The following SMARCC1 variants were observed in gnomAD, a reference collection of about 807,000 sequenced individuals.
SMARCC1 encodes the protein SWI/SNF complex subunit SMARCC1.
SMARCC1 carries 43 observed loss-of-function variants against 147.4 expected under a neutral mutation model. That is an observed-to-expected ratio of 0.29 (90% CI 0.23 to 0.38). The LOEUF is 0.38. Ranked by LOEUF, SMARCC1 falls within the 10% of genes least tolerant of loss-of-function variation. The pLI is 1.00. For synonymous variants in SMARCC1, 495 were observed against 484.4 expected (o/e 1.02, Z -0.29); for missense variants, 1,119 against 1,381.1 (o/e 0.81, Z 3.01).
rs867609912 is a variant in SMARCC1, at chr3:47,780,324, G to A, written c.195+1279C>T. On this transcript the variant is annotated intron_variant, in intron 1 of 27. Coordinates refer to ENST00000254480, the MANE Select transcript of SMARCC1 (RefSeq NM_003074.4). The stretch of plus-strand genomic sequence containing the variant: ...GTAGCTGGGATTACAGGCATGTGCT[G>A]CCACACCCGACTAATTTTGTATTTT... Among the ~76,000 whole-genome samples the A allele has an allele frequency of 2.0e-5, 3 of 151,732 alleles. No homozygotes were observed. The South Asian group carries it at 6.2e-4, about 32-fold the overall frequency.
chr3:47,596,190 G>T (rs2106645478), intron 26 of SMARCC1, among the ~76,000 whole-genome samples: 1 of 152,302 alleles, frequency 6.6e-6, no homozygotes, highest in Non-Finnish European at 1.5e-5. Flanking sequence ...AGGCTACAGA[G>T]GACTTAGTGA....
chr3:47,737,822 ATT>A (rs71070219), intron 4 of SMARCC1, among the ~76,000 whole-genome samples: 21 of 133,596 alleles, frequency 1.6e-4, no homozygotes, highest in African/African-American at 8.2e-5. Flanking sequence ...CGTGCGGCTA[ATT>A]TTTTTTTTTT....
intron 24 of SMARCC1, among the ~76,000 whole-genome samples, chr3:47,623,109 G>A (rs2032757965): frequency 1.7e-5 from 2 of 117,044 alleles, no homozygotes; most frequent in South Asian, 5.8e-4. Flanking sequence ...CTGAATTTAT[G>A]TGTTTATCTT....
At chr3:47,638,862 A>C (rs2106706857) in intron 21 of SMARCC1, 82 bp from the exon 22 acceptor site, 3 of 952,110 alleles carry the variant, frequency 3.2e-6, no homozygotes, top group East Asian at 4.8e-5. Flanking sequence ...GAGTGTCTGA[A>C]ATACAAATAT....
intron 5 of SMARCC1, among the ~76,000 whole-genome samples, chr3:47,733,970 CGT>C (rs564024219): frequency 3.9e-4 from 58 of 150,186 alleles, no homozygotes; most frequent in East Asian, 2.7e-3. Context: ...CATATATGTA[CGT>C]GTGTGTATAT....
At chr3:47,746,924 T>C (rs1244048008) in intron 2 of SMARCC1, among the ~76,000 whole-genome samples, 1 of 151,674 alleles carries the variant, frequency 6.6e-6, no homozygotes, top group Non-Finnish European at 1.5e-5. Flanking sequence ...GAGACAGGGT[T>C]TCTCTATGTT....
At chr3:47,703,211 G>A (rs2033948333) in intron 10 of SMARCC1, among the ~76,000 whole-genome samples, 1 of 152,148 alleles carries the variant, frequency 6.6e-6, no homozygotes, top group Non-Finnish European at 1.5e-5. Flanking sequence ...TAGGATTACA[G>A]GCATGGGCCA....
intron 2 of SMARCC1, among the ~76,000 whole-genome samples, chr3:47,771,172 G>C (rs959021862): frequency 3.9e-5 from 6 of 152,060 alleles, no homozygotes; most frequent in African/African-American, 1.4e-4. Context: ...GCCTCCCAAA[G>C]TGCTGGGATT....
At chr3:47,759,631 A>AG (rs1559665305) in intron 2 of SMARCC1, among the ~76,000 whole-genome samples, 1 of 149,310 alleles carries the variant, frequency 6.7e-6, no homozygotes, top group Non-Finnish European at 1.5e-5. Flanking sequence ...AAAAAAAAAA[A>AG]AAAAAGAAAA....
intron 11 of SMARCC1, among the ~76,000 whole-genome samples, chr3:47,695,416 C>A (rs901445766): frequency 6.6e-6 from 1 of 152,132 alleles, no homozygotes; most frequent in Non-Finnish European, 1.5e-5. Flanking sequence ...CACTGGAAAA[C>A]TGAATGCCTG....
chr3:47,706,726 C>A (rs1348000702), intron 9 of SMARCC1, among the ~76,000 whole-genome samples, 196 bp from the exon 10 acceptor site: 2 of 152,156 alleles, frequency 1.3e-5, no homozygotes, highest in African/African-American at 2.4e-5. Context: ...TGATATATAT[C>A]ATCAATGGAA....
chr3:47,605,905 AG>A (rs1309668140), intron 26 of SMARCC1, among the ~76,000 whole-genome samples: 1 of 152,112 alleles, frequency 6.6e-6, no homozygotes, highest in African/African-American at 2.4e-5. Flanking sequence ...TTGGAAGGGA[AG>A]GTGACTCAGT....
At chr3:47,617,230 C>G (rs1056404948) in intron 25 of SMARCC1, among the ~76,000 whole-genome samples, 1 of 152,228 alleles carries the variant, frequency 6.6e-6, no homozygotes, top group African/African-American at 2.4e-5. Context: ...ACACAACCTA[C>G]CAGGTTCAAG....
At chr3:47,739,582 C>T (rs2034484381) in intron 3 of SMARCC1, among the ~76,000 whole-genome samples, 1 of 152,186 alleles carries the variant, frequency 6.6e-6, no homozygotes, top group African/African-American at 2.4e-5. Context: ...AATCCTCCCA[C>T]CTCAGCCTCC....
At chr3:47,713,482 T>C (rs2034116561) in intron 8 of SMARCC1, among the ~76,000 whole-genome samples, 1 of 152,114 alleles carries the variant, frequency 6.6e-6, no homozygotes, top group South Asian at 2.1e-4. Context: ...TGGAGTGAAG[T>C]GGTTGCAATC....
At chr3:47,714,556 C>T (rs914507912) in intron 7 of SMARCC1, 66 bp from the exon 8 acceptor site, 3 of 810,800 alleles carry the variant, frequency 3.7e-6, no homozygotes, top group Non-Finnish European at 6.2e-6. Flanking sequence ...AAGACTTTTA[C>T]AAATAATAAG....
chr3:47,647,582 G>A (rs2033134728), intron 21 of SMARCC1, among the ~76,000 whole-genome samples: 1 of 152,088 alleles, frequency 6.6e-6, no homozygotes, highest in African/African-American at 2.4e-5. Flanking sequence ...AAAGCATTTC[G>A]GGTTCTCCTG....
chr3:47,749,524 G>A (rs1387812012), intron 2 of SMARCC1, among the ~76,000 whole-genome samples: 5 of 151,934 alleles, frequency 3.3e-5, no homozygotes, highest in East Asian at 1.9e-4. Flanking sequence ...AAAATGAGCC[G>A]TGTATAGTGG....
intron 13 of SMARCC1, among the ~76,000 whole-genome samples, chr3:47,689,010 A>C (rs1459311716): frequency 6.6e-6 from 1 of 151,852 alleles, no homozygotes; most frequent in Admixed American, 6.6e-5. Context: ...AGGAGTTCGC[A>C]ACCAGCCTGG....
Sources: gnomAD v4.1 joint callset for allele counts (sites outside exome capture counted in the v4.1 genomes callset) on GRCh38, gnomAD v4.1.1 for gene constraint, MANE v1.5 for transcripts, NCBI Gene and HGNC (gene_info 2026-07-23, HGNC 2026-07-21) for gene names.